SPMAP2L: variants seen among roughly 807,000 people sequenced by gnomAD.
The protein encoded by SPMAP2L is sperm microtubule associated protein 2-like.
chr4:56,534,147 G>A, the SPMAP2L span, among the ~76,000 whole-genome samples: 681 of 152,164 alleles, frequency 4.5e-3, 1 homozygote, highest in Non-Finnish European at 6.9e-3. Flanking sequence ...TCATATCCAT[G>A]TCCTCTTTCC....
At chr4:56,592,670 G>A in the SPMAP2L span, among the ~76,000 whole-genome samples, 1 of 152,060 alleles carries the variant, frequency 6.6e-6, no homozygotes, top group Non-Finnish European at 1.5e-5. Context: ...GCAGTCCTGT[G>A]CCAGGGCGTT....
chr4:56,584,704 T>G, the SPMAP2L span: 1 of 869,258 alleles, frequency 1.2e-6, no homozygotes, highest in Non-Finnish European at 1.8e-6. Context: ...TTCTTCCTGT[T>G]TATTTTTCCC....
the SPMAP2L span, chr4:56,559,604 G>A: frequency 6.2e-3 from 8,187 of 1,327,228 alleles, 57 homozygotes; most frequent in African/African-American, 0.019. Flanking sequence ...GTCTCACACT[G>A]TCACCTAGGC....
At chr4:56,530,751 C>A in the SPMAP2L span, 1 of 1,535,284 alleles carries the variant, frequency 6.5e-7, no homozygotes, top group Non-Finnish European at 8.7e-7. Flanking sequence ...CAGAAATATC[C>A]ACTTGCTCCG....
the SPMAP2L span, among the ~76,000 whole-genome samples, chr4:56,586,810 GTTTA>G: frequency 6.6e-6 from 1 of 152,084 alleles, no homozygotes; most frequent in African/African-American, 2.4e-5. Flanking sequence ...GTCATACTCT[GTTTA>G]TTGTTGTAGT....
the SPMAP2L span, among the ~76,000 whole-genome samples, chr4:56,558,532 G>A: frequency 6.6e-6 from 1 of 152,204 alleles, no homozygotes; most frequent in South Asian, 2.1e-4. Flanking sequence ...GTTCTTGGAC[G>A]GCATCATTTG....
At chr4:56,599,980 A>T in the SPMAP2L span, among the ~76,000 whole-genome samples, 4,964 of 152,208 alleles carry the variant, frequency 0.033, 248 homozygotes, top group African/African-American at 0.11. Flanking sequence ...CCATTCAGAA[A>T]GGTGATTATT....
the SPMAP2L span, among the ~76,000 whole-genome samples, chr4:56,573,772 G>T: frequency 2.6e-5 from 4 of 152,120 alleles, no homozygotes; most frequent in Middle Eastern, 3.2e-3. Context: ...TCAGGGCTGG[G>T]CAGCCTCCAG....
chr4:56,583,106 C>G, the SPMAP2L span, among the ~76,000 whole-genome samples: 1 of 151,964 alleles, frequency 6.6e-6, no homozygotes, highest in Admixed American at 6.6e-5. Context: ...AACCCCATCT[C>G]TACTAAAAAA....
At chr4:56,598,986 A>G in the SPMAP2L span, among the ~76,000 whole-genome samples, 2 of 151,998 alleles carry the variant, frequency 1.3e-5, no homozygotes, top group African/African-American at 2.4e-5. Flanking sequence ...GCCCCCGACC[A>G]TGTAAGATGT....
At chr4:56,595,830 C>T in the SPMAP2L span, 1 of 744,392 alleles carries the variant, frequency 1.3e-6, no homozygotes, top group East Asian at 2.4e-5. Context: ...GTTTTATATA[C>T]TGTGTATATC....
At chr4:56,531,010 C>A in the SPMAP2L span, 1 of 1,535,446 alleles carries the variant, frequency 6.5e-7, no homozygotes, top group Non-Finnish European at 8.7e-7. Context: ...AGCCCCCAAA[C>A]TCCTCAAGGC....
At chr4:56,566,391 G>A in the SPMAP2L span, among the ~76,000 whole-genome samples, 1 of 151,944 alleles carries the variant, frequency 6.6e-6, no homozygotes, top group African/African-American at 2.4e-5. Flanking sequence ...TAGAAACAGG[G>A]TTTCACCATG....
At chr4:56,600,259 A>T in the SPMAP2L span, among the ~76,000 whole-genome samples, 1 of 151,780 alleles carries the variant, frequency 6.6e-6, no homozygotes, top group African/African-American at 2.4e-5. Flanking sequence ...GAGCCTAAGT[A>T]TTATTTTTAG....
At chr4:56,613,255 G>T in the SPMAP2L span, among the ~76,000 whole-genome samples, 1 of 152,070 alleles carries the variant, frequency 6.6e-6, no homozygotes, top group Non-Finnish European at 1.5e-5. Context: ...GGGTTGCCAG[G>T]TGCCTTCCCT....
chr4:56,555,322 C>A, the SPMAP2L span, among the ~76,000 whole-genome samples: 6 of 152,026 alleles, frequency 3.9e-5, no homozygotes, highest in East Asian at 1.2e-3. Flanking sequence ...TATTTTATCC[C>A]ACTCATCTGT....
chr4:56,601,539 G>C, the SPMAP2L span, among the ~76,000 whole-genome samples: 1 of 152,092 alleles, frequency 6.6e-6, no homozygotes, highest in East Asian at 1.9e-4. Context: ...TGGGAAGATC[G>C]CTTGAGCCCA....
the SPMAP2L span, among the ~76,000 whole-genome samples, chr4:56,533,550 T>A: frequency 2.6e-5 from 4 of 152,186 alleles, no homozygotes; most frequent in Non-Finnish European, 5.9e-5. Context: ...TATGTTGGAT[T>A]TCAATCCCAT....
chr4:56,558,032 G>A, the SPMAP2L span, among the ~76,000 whole-genome samples: 2 of 151,536 alleles, frequency 1.3e-5, no homozygotes, highest in Non-Finnish European at 2.9e-5. Context: ...GCAGTAGTAC[G>A]TTCTTGGCTG....
Sources: allele counts gnomAD v4.1 joint callset (sites outside exome capture counted in the v4.1 genomes callset), GRCh38; gene constraint gnomAD v4.1.1; transcripts MANE v1.5; gene names NCBI Gene and HGNC (gene_info 2026-07-23, HGNC 2026-07-21).